Variants in IQSEC2 observed in about 807,000 individuals in gnomAD.
IQSEC2 encodes IQ motif and SEC7 domain-containing protein 2.
Under a neutral mutation model 74.6 loss-of-function variants are expected in IQSEC2, and 6 were observed. The observed-to-expected ratio is 0.08, with a 90% CI of 0.04 to 0.16. The LOEUF (loss-of-function observed/expected upper bound fraction) is 0.16, where lower values mean the gene tolerates loss of function less well. Among genes scored for constraint, IQSEC2 ranks in the 10% least tolerant of loss-of-function variants. The pLI is 1.00. For synonymous variants in IQSEC2, 494 were observed against 544.5 expected (o/e 0.91, Z 1.29); for missense variants, 734 against 1,306.2 (o/e 0.56, Z 6.75).
At chrX:53,235,537 G>A (rs1397360723) in intron 14 of IQSEC2, among the ~76,000 whole-genome samples, 1 of 111,583 alleles carries the variant, frequency 9.0e-6, no homozygotes, top group African/African-American at 3.3e-5. Context: ...AACTCCAAGG[G>A]CATCCCTACT....
Position 53,320,925 on chromosome X carries a change from G to A in IQSEC2, c.199C>T (p.Leu67=). The change falls in exon 1 of 15, where the codon CTG becomes TTG. Residue 67 remains leucine (L), a synonymous_variant. Coordinates refer to ENST00000642864, the MANE Select transcript of IQSEC2 (RefSeq NM_001111125.3). ...ENRDLREESQ[L]HRGELHRDPH... is the part of the protein sequence containing the mutation. ...TCCCGGTGCAGCTCCCCGCGGTGCAGCTGGCTCTCCTCTCGCAGGTCGCGG... is the reference window on the plus strand; with the variant it reads ...TCCCGGTGCAGCTCCCCGCGGTGCAACTGGCTCTCCTCTCGCAGGTCGCGG... 8.6e-7 allele frequency: 1 copy of A among 1,164,095 alleles called. No individual in the cohort carries two copies. Among genetic ancestry groups the A allele is most frequent in the Non-Finnish European group, 1.1e-6 (1 of 872,613 alleles).
intron 2 of IQSEC2, among the ~76,000 whole-genome samples, chrX:53,290,372 C>T (rs1241349080): frequency 8.9e-6 from 1 of 112,146 alleles, no homozygotes; most frequent in Non-Finnish European, 1.9e-5. Flanking sequence ...GCTCTAGGTC[C>T]CAGGAACTTC....
intron 14 of IQSEC2, 144 bp from the exon 15 acceptor site, chrX:53,235,328 G>A (rs1001220904): frequency 1.2e-5 from 9 of 732,737 alleles, no homozygotes; most frequent in African/African-American, 6.4e-5. Flanking sequence ...TCCGGTACGC[G>A]TATGTGGAGC....
chrX:53,320,387 G>A, intron 1 of IQSEC2, 30 bp downstream of exon 1: 2 of 1,116,273 alleles, frequency 1.8e-6, no homozygotes, highest in Non-Finnish European at 2.4e-6. Context: ...CTAGAGGGAA[G>A]AGCCGGGGGT....
At chrX:53,268,921 T>G (rs1477559004) in intron 2 of IQSEC2, among the ~76,000 whole-genome samples, 1 of 112,466 alleles carries the variant, frequency 8.9e-6, no homozygotes. Flanking sequence ...ATACCTATTC[T>G]GCAGGGTGCA....
rs2074440746 is a variant in IQSEC2 at position 53,254,689 on chromosome X, G to A, written c.1242C>T (p.Asp414=). ...AYFEGKPASL[D]EGAMAGARSH... ...TCCGGGCACCAGCCATGGCACCCTCGTCCAGCGAGGCAGGCTTGCCCTCGA... is the reference window on the plus strand; with the variant it reads ...TCCGGGCACCAGCCATGGCACCCTCATCCAGCGAGGCAGGCTTGCCCTCGA... The change falls in exon 4 of 15, where the codon GAC becomes GAT. Residue 414 remains aspartate, a synonymous_variant. Transcript: ENST00000642864. The A allele has an allele frequency of 7.4e-6, 9 of 1,209,023 alleles. No homozygotes were observed. The highest frequency in any genetic ancestry group is 3.5e-5 in the African/African-American group (2 of 57,290).
intron 1 of IQSEC2, among the ~76,000 whole-genome samples, chrX:53,306,864 A>G (rs782642579): frequency 2.7e-5 from 3 of 111,076 alleles, no homozygotes; most frequent in East Asian, 2.8e-4. Context: ...CTGAGGAGGG[A>G]GACAGTCAGG....
intron 1 of IQSEC2, among the ~76,000 whole-genome samples, chrX:53,308,746 A>G (rs1556877304): frequency 9.1e-6 from 1 of 110,324 alleles, no homozygotes; most frequent in East Asian, 2.8e-4. Flanking sequence ...TTAAAATAGT[A>G]CTTAATAAAG....
chrX:53,293,699 T>G (rs1168450171), intron 1 of IQSEC2, among the ~76,000 whole-genome samples: 1 of 111,443 alleles, frequency 9.0e-6, no homozygotes, highest in Non-Finnish European at 1.9e-5. Flanking sequence ...GTATTCAGTC[T>G]GCTGTCTACC....
At chrX:53,230,075 A>G (rs1307280055), downstream of IQSEC2, 2 of 112,298 alleles carry the variant, frequency 1.8e-5, no homozygotes, top group Admixed American at 9.4e-5. Flanking sequence ...CCACTAACAC[A>G]TTGCATTCTC....
chrX:53,248,169 G>A lies in IQSEC2; in HGVS notation c.2527C>T (p.His843Tyr). The change falls in exon 7 of 15, where the codon CAT (histidine) becomes TAT (tyrosine). Residue 843 changes from histidine to tyrosine, a missense_variant. Physicochemically the swap from His to Tyr is moderately conservative, Grantham distance 83. Around this residue, in one of 12 missense-constraint regions of IQSEC2, gnomAD observed 18 missense variants for 46.7 expected, o/e 0.39. Transcript: ENST00000642864. ...LDDALRKFQS[H>Y]IRVQGEAQKV... ...TGGGCCTCACCCTGAACCCGGATATGGGACTGGAACTTCCGGAGCGCATCA... is the reference window on the plus strand; with the variant it reads ...TGGGCCTCACCCTGAACCCGGATATAGGACTGGAACTTCCGGAGCGCATCA... The A allele has an allele frequency of 8.3e-7, 1 of 1,210,161 alleles. No individual in the cohort carries two copies. The highest frequency in any genetic ancestry group is 3.0e-5 in the East Asian group (1 of 33,807).
intron 4 of IQSEC2, among the ~76,000 whole-genome samples, chrX:53,253,521 G>A (rs1048471463): frequency 5.4e-5 from 6 of 112,038 alleles, no homozygotes; most frequent in Non-Finnish European, 7.5e-5. Context: ...GCCTATGTAA[G>A]CAACACCCTC....
At chrX:53,262,307 C>T (rs1196334803) in intron 2 of IQSEC2, among the ~76,000 whole-genome samples, 1 of 112,428 alleles carries the variant, frequency 8.9e-6, no homozygotes, top group Non-Finnish European at 1.9e-5. Flanking sequence ...TCTCTCCCTC[C>T]TTCCCTTTAT....
At chrX:53,305,617 C>T (rs1027082848) in intron 1 of IQSEC2, among the ~76,000 whole-genome samples, 8 of 112,317 alleles carry the variant, frequency 7.1e-5, no homozygotes, top group African/African-American at 2.6e-4. Context: ...TGTATGGATG[C>T]AGTCACTGAG....
In IQSEC2 at chrX:53,255,947, G is replaced by C; in HGVS notation, c.852C>G (p.Pro284=). Residue 284 remains proline (P), a synonymous_variant, in exon 3 of 15, where the codon CCC becomes CCG. Transcript: ENST00000642864. ...LPPSSSHMGG[P]PAGVGLPWAQ... is the part of the protein sequence containing the mutation. ...CCCAGGGAAGGCCCACTCCAGCAGG[G>C]GGGCCCCCCATGTGGCTGCTGGAGG... is the stretch of plus-strand genomic sequence containing the variant. 2 of 1,200,015 alleles carry C rather than the reference G, an allele frequency of 1.7e-6. No individual in the cohort carries two copies. Among genetic ancestry groups the C allele is most frequent in the East Asian group, 3.0e-5 (1 of 33,480 alleles).
At chrX:53,291,361 A>T (rs2146423301) in intron 2 of IQSEC2, among the ~76,000 whole-genome samples, 1 of 111,926 alleles carries the variant, frequency 8.9e-6, no homozygotes. Context: ...AAATAAAATA[A>T]AACGTACTGA....
At position 53,248,277 on chromosome X, in the gene IQSEC2, T is replaced by A. The variant is rs374791333; in HGVS notation, c.2460-41A>T. 1.0e-5 allele frequency: 12 copies of A among 1,198,572 alleles called. No homozygotes were observed. The African/African-American group carries it at 2.1e-4, about 21-fold the overall frequency. ...GGAGGTGTGGCGCTTTCAATTCCTC[T>A]GCAGAAAACCTCTGACCCACCTGGA... On this transcript the variant is annotated intron_variant, in intron 6 of 14. Transcript: ENST00000642864.
intron 2 of IQSEC2, among the ~76,000 whole-genome samples, chrX:53,289,489 C>T (rs1556872569): frequency 9.0e-6 from 1 of 111,322 alleles, no homozygotes; most frequent in East Asian, 2.8e-4. Context: ...CCTCCACAAG[C>T]TGATCCCACC....
chrX:53,248,924 G>C, intron 5 of IQSEC2, 42 bp from the exon 6 acceptor site: 2 of 1,173,372 alleles, frequency 1.7e-6, no homozygotes, highest in African/African-American at 3.5e-5. Context: ...TGTCCTCCTG[G>C]AACTGTGCTC....
Sources: allele counts gnomAD v4.1 joint callset (sites outside exome capture counted in the v4.1 genomes callset), GRCh38; gene constraint gnomAD v4.1.1; regional missense constraint gnomAD v4.1.1; transcripts MANE v1.5; gene names NCBI Gene and HGNC (gene_info 2026-07-23, HGNC 2026-07-21).